The following COL22A1 variants were observed in gnomAD, a reference collection of about 807,000 sequenced individuals.
COL22A1 encodes collagen type XXII alpha 1 chain, also known as collagen alpha-1(XXII) chain.
In COL22A1, 221 loss-of-function variants were observed where a neutral mutation model predicts 248.9. That is an observed-to-expected ratio of 0.89 (90% CI 0.80 to 0.99). The LOEUF is 0.99. COL22A1 is among the 50% of genes least tolerant of loss of function. The pLI is 0.00. For missense variants in COL22A1, 2,240 were observed against 2,179.0 expected, an observed-to-expected ratio of 1.03 and a Z score of -0.56; for synonymous variants, 891 against 793.4, an observed-to-expected ratio of 1.12 and a Z score of -2.07.
chr8:138,855,599 A>C (rs1821950163), intron 3 of COL22A1, among the ~76,000 whole-genome samples: 1 of 152,130 alleles, frequency 6.6e-6, no homozygotes. Context: ...TTCTACTCAC[A>C]ACCCCTGTGC....
chr8:138,804,825 A>G (rs1251441151), intron 10 of COL22A1, among the ~76,000 whole-genome samples: 4 of 134,044 alleles, frequency 3.0e-5, no homozygotes, highest in Admixed American at 3.0e-4. Context: ...TGTGTGTGAT[A>G]TGGGGTGTGT....
At position 138,655,106 on chromosome 8, in the gene COL22A1, C is replaced by T. The variant is rs116424764; in HGVS notation, c.3333+791G>A. Among the ~76,000 whole-genome samples the T allele has an allele frequency of 8.2e-4, 125 of 152,334 alleles. 1 individual carries two copies. The highest frequency in any genetic ancestry group is 3.0e-3 in the African/African-American group (124 of 41,564). On this transcript the variant is annotated intron_variant, in intron 45 of 64. Transcript: ENST00000303045. ...ATTCTTAGGATGTCCTATTCTATTC[C>T]ATTCCATTCATTGACCCTCACAGTA...
intron 3 of COL22A1, among the ~76,000 whole-genome samples, chr8:138,876,027 G>A (rs957170395): frequency 6.6e-6 from 1 of 152,068 alleles, no homozygotes; most frequent in Non-Finnish European, 1.5e-5. Context: ...CTGCTGTTCA[G>A]CGGCATTCCA....
rs1165013861 is a variant in COL22A1 at position 138,882,638 on chromosome 8, ACT to A, written c.91+442_91+443del. Among the ~76,000 whole-genome samples, 7 of 135,652 alleles carry A rather than the reference ACT, an allele frequency of 5.2e-5. No homozygotes were observed. The East Asian group carries it at 6.6e-4, about 13-fold the overall frequency. 89.0% of individuals were successfully genotyped at this position (135,652 alleles called of 152,430 possible). On this transcript the variant is annotated intron_variant, in intron 2 of 64. Transcript: ENST00000303045. ...CACACACTCTTCCTCAAACTCACAC[ACT>A]CTCACACTCCCTCACACACTCCCTC...
intron 1 of COL22A1, among the ~76,000 whole-genome samples, chr8:138,902,843 G>T (rs1814719658): frequency 6.6e-6 from 1 of 151,348 alleles, no homozygotes; most frequent in Non-Finnish European, 1.5e-5. Context: ...GTTGTGGGAT[G>T]GGGTCAAGGC....
chr8:138,739,724 T>G (rs900527226), intron 22 of COL22A1, among the ~76,000 whole-genome samples: 3 of 152,120 alleles, frequency 2.0e-5, no homozygotes, highest in Non-Finnish European at 4.4e-5. Flanking sequence ...GCCATGACGG[T>G]GGCACTGAGG....
intron 32 of COL22A1, among the ~76,000 whole-genome samples, chr8:138,696,684 T>G (rs2130946837): frequency 6.6e-6 from 1 of 152,350 alleles, no homozygotes; most frequent in Middle Eastern, 3.4e-3. Context: ...CGACATGGTC[T>G]ACCTCGTACA....
In COL22A1 at chr8:138,812,228, C is replaced by A. The variant is rs142283226; in HGVS notation, c.1327-307G>T. Among the ~76,000 whole-genome samples, 17 of 152,320 alleles carry A rather than the reference C, an allele frequency of 1.1e-4. No individual in the cohort carries two copies. The East Asian group carries it at 3.3e-3, about 29-fold the overall frequency. On this transcript the variant is annotated intron_variant, in intron 8 of 64. Transcript: ENST00000303045. ...CATCCCATTCTGTTCTTCCCTCACC[C>A]TCTGACTCCACAACCAGGTCCATCT...
chr8:138,704,123 C>T (rs149202292), intron 30 of COL22A1, among the ~76,000 whole-genome samples: 15,263 of 152,200 alleles, frequency 0.1, 968 homozygotes, highest in Non-Finnish European at 0.14. Flanking sequence ...ACAAAGCAGC[C>T]GGGAGGCTCG....
chr8:138,612,968 G>T (rs56840567), intron 56 of COL22A1, among the ~76,000 whole-genome samples: 22,525 of 127,600 alleles, frequency 0.18, 3,152 homozygotes, highest in African/African-American at 0.3. Context: ...AAAAGCAGGG[G>T]CTGGGCACGG....
intron 22 of COL22A1, among the ~76,000 whole-genome samples, chr8:138,750,298 C>T (rs1832484406): frequency 1.3e-5 from 2 of 152,190 alleles, no homozygotes; most frequent in Admixed American, 6.5e-5. Flanking sequence ...ATGCCTTTCC[C>T]TGCCTCACCT....
intron 3 of COL22A1, among the ~76,000 whole-genome samples, chr8:138,860,388 A>G (rs1437835025): frequency 1.3e-5 from 2 of 152,146 alleles, no homozygotes; most frequent in Admixed American, 1.3e-4. Context: ...TTGCACCCAG[A>G]CTGAGCGAGC....
At chr8:138,805,054 GGT>G (rs1817377184) in intron 10 of COL22A1, among the ~76,000 whole-genome samples, 4 of 101,200 alleles carry the variant, frequency 4.0e-5, no homozygotes, top group African/African-American at 2.6e-4. Context: ...TGTGTGTAAT[GGT>G]GTGTGATGGT....
intron 3 of COL22A1, among the ~76,000 whole-genome samples, chr8:138,866,634 C>A (rs1026963444): frequency 2.0e-5 from 3 of 152,228 alleles, no homozygotes; most frequent in African/African-American, 7.2e-5. Flanking sequence ...ATGCTGCAGT[C>A]TCCACTTTAC....
intron 11 of COL22A1, among the ~76,000 whole-genome samples, chr8:138,802,305 T>G (rs1056410649): frequency 4.6e-5 from 7 of 152,032 alleles, no homozygotes; most frequent in African/African-American, 1.7e-4. Context: ...GATTCATGAA[T>G]ACAATTCATG....
chr8:138,678,101 A>G (rs1308320105), intron 40 of COL22A1, among the ~76,000 whole-genome samples: 1 of 152,228 alleles, frequency 6.6e-6, no homozygotes. Flanking sequence ...TGCCTGGATG[A>G]GTACATAAGC....
chr8:138,821,037 T>C, intron 7 of COL22A1, 99 bp downstream of exon 7: 1 of 1,314,434 alleles, frequency 7.6e-7, no homozygotes, highest in South Asian at 1.4e-5. Context: ...ATTTGGTACC[T>C]GGTTCATGCA....
chr8:138,816,500 A>G (rs1428455166), intron 7 of COL22A1, among the ~76,000 whole-genome samples: 1 of 152,322 alleles, frequency 6.6e-6, no homozygotes, highest in East Asian at 1.9e-4. Flanking sequence ...CCCACCCATC[A>G]GCAGCTTAGA....
chr8:138,675,377 T>C (rs144428774), intron 41 of COL22A1, among the ~76,000 whole-genome samples: 1 of 152,360 alleles, frequency 6.6e-6, no homozygotes, highest in African/African-American at 2.4e-5. Context: ...TGAAGAATGA[T>C]ATTACTCTTA....
Sources: gnomAD v4.1 joint callset for allele counts (sites outside exome capture counted in the v4.1 genomes callset) on GRCh38, gnomAD v4.1.1 for gene constraint, MANE v1.5 for transcripts, NCBI Gene and HGNC (gene_info 2026-07-23, HGNC 2026-07-21) for gene names.